STARD9: variants seen among roughly 807,000 people sequenced by gnomAD.
STARD9 encodes stAR-related lipid transfer protein 9.
In STARD9, 346 loss-of-function variants were observed where a neutral mutation model predicts 399.8. The ratio of observed to expected loss-of-function variants is 0.87; its 90% CI spans 0.79 to 0.95. The LOEUF (loss-of-function observed/expected upper bound fraction) is 0.95. Ranked by LOEUF, STARD9 falls within the 40% of genes least tolerant of loss-of-function variation. STARD9 has a pLI of 0.00. For missense variants in STARD9, 5,832 were observed against 5,667.5 expected (o/e 1.03, Z -0.93); for synonymous variants, 2,203 against 2,143.5 (o/e 1.03, Z -0.77).
rs995269312 is a variant in STARD9 at position 42,689,823 on chromosome 15, C to T, written c.8245C>T (p.Pro2749Ser). 7.2e-6 allele frequency: 11 copies of T among 1,537,226 alleles called. No homozygotes were observed. Among genetic ancestry groups the T allele is most frequent in the South Asian group, 1.2e-5 (1 of 84,060 alleles). ...KVVAALPSQA[P>S]YDDPRVTLHE... is the part of the protein sequence containing the mutation. ...AGTGGCTGCCTTACCTTCTCAGGCCCCTTATGATGATCCTAGAGTGACTCT... is the reference window on the plus strand; with the variant it reads ...AGTGGCTGCCTTACCTTCTCAGGCCTCTTATGATGATCCTAGAGTGACTCT... The change falls in exon 23 of 33, where the codon CCT becomes TCT. Residue 2749 changes from proline to serine, a missense_variant. Pro to Ser is a moderately conservative substitution (Grantham distance 74). Coordinates refer to ENST00000290607, the MANE Select transcript of STARD9 (RefSeq NM_020759.3).
At position 42,693,279 on chromosome 15, in the gene STARD9, A is replaced by G. The variant is rs534725679; in HGVS notation, c.11701A>G (p.Ile3901Val). 1.7e-4 allele frequency: 260 copies of G among 1,536,746 alleles called. 1 individual carries two copies. The South Asian group carries it at 2.3e-3, about 14-fold the overall frequency. ...GTTCGTGGACAGGGCCTCCTCCCCA[A>G]TCCTCACTCTTAGTGCCAGCACCCA... is the stretch of plus-strand genomic sequence containing the variant. ...ALFVDRASSP[I>V]LTLSASTQEP... Residue 3901 changes from isoleucine to valine, a missense_variant, in exon 23 of 33, where the codon ATC (isoleucine) becomes GTC (valine). Around this residue, in one of 2 missense-constraint regions of STARD9, gnomAD observed 5,828 missense variants for 5,651.1 expected, o/e 1.03. Coordinates refer to ENST00000290607, the MANE Select transcript of STARD9 (RefSeq NM_020759.3).
chr15:42,647,643 T>TA (rs775735735), intron 7 of STARD9, among the ~76,000 whole-genome samples: 27 of 152,190 alleles, frequency 1.8e-4, no homozygotes, highest in Admixed American at 2.6e-4. Flanking sequence ...TTTTTTATTT[T>TA]AAAAAATTTT....
intron 3 of STARD9, among the ~76,000 whole-genome samples, chr15:42,630,955 G>T (rs955682948): frequency 6.9e-6 from 1 of 144,528 alleles, no homozygotes; most frequent in South Asian, 2.2e-4. Flanking sequence ...CTCATTTTGT[G>T]TTTGATTCGC....
chr15:42,598,684 C>T (rs1176039137), intron 3 of STARD9, among the ~76,000 whole-genome samples: 2 of 151,994 alleles, frequency 1.3e-5, no homozygotes, highest in Non-Finnish European at 2.9e-5. Context: ...ATAGCCATCG[C>T]CTCAAACATT....
chr15:42,620,352 G>A (rs943298261), intron 3 of STARD9, among the ~76,000 whole-genome samples: 6 of 151,490 alleles, frequency 4.0e-5, no homozygotes, highest in Non-Finnish European at 8.8e-5. Context: ...ATGGTGGCTC[G>A]CACCTGTATT....
chr15:42,689,193 T>A lies in STARD9; in HGVS notation c.7615T>A (p.Leu2539Met). ...GGTGCCCAGTCCAGAGCCTAGGCTGTTGGAGCCCTCTGACCATGCATCCAT... is the reference window on the plus strand; with the variant it reads ...GGTGCCCAGTCCAGAGCCTAGGCTGATGGAGCCCTCTGACCATGCATCCAT... ...PRVPSPEPRLLEPSDHASMCL... is the reference protein window; with the variant it reads ...PRVPSPEPRLMEPSDHASMCL... Residue 2539 changes from leucine to methionine, a missense_variant, in exon 23 of 33, where the codon TTG (leucine) becomes ATG (methionine). Physicochemically the swap from Leu to Met is conservative, Grantham distance 15 (BLOSUM62 2). Around this residue, in one of 2 missense-constraint regions of STARD9, gnomAD observed 5,828 missense variants for 5,651.1 expected, o/e 1.03. Transcript: ENST00000290607. The A allele has an allele frequency of 6.5e-7, 1 of 1,537,250 alleles. No homozygotes were observed. The highest frequency in any genetic ancestry group is 1.2e-5 in the South Asian group (1 of 84,054).
intron 22 of STARD9, 27 bp downstream of exon 22, chr15:42,682,602 G>T (rs765027653): frequency 6.7e-7 from 1 of 1,492,616 alleles, no homozygotes. Context: ...TCACTGGGAA[G>T]CACTCGGTTA....
chr15:42,708,994 TC>T lies in STARD9; in HGVS notation c.13285-7682del, dbSNP rs2061150595. On this transcript the variant is annotated intron_variant, in intron 26 of 32. Transcript: ENST00000290607. ...AATACCTTATTCTCGGTGCATTGTA[TC>T]AGAGGTTACCGGATACCGACATGTC... is the stretch of plus-strand genomic sequence containing the variant. 2.0e-5 allele frequency among the ~76,000 whole-genome samples: 3 copies of T among 152,190 alleles called. No homozygotes were observed. In the South Asian group the frequency reaches 6.2e-4, roughly 32 times the overall value.
At chr15:42,649,951 C>T (rs2059726008) in intron 7 of STARD9, among the ~76,000 whole-genome samples, 1 of 150,360 alleles carries the variant, frequency 6.7e-6, no homozygotes. Flanking sequence ...TCCACAACCT[C>T]CGCCTCCCAG....
At chr15:42,677,213 G>A (rs1161237764) in intron 20 of STARD9, among the ~76,000 whole-genome samples, 3 of 150,998 alleles carry the variant, frequency 2.0e-5, no homozygotes, top group East Asian at 2.0e-4. Flanking sequence ...GCAGTGAGCC[G>A]ACATTGCGCC....
intron 26 of STARD9, among the ~76,000 whole-genome samples, chr15:42,712,491 C>A (rs1376243027): frequency 2.6e-5 from 4 of 152,034 alleles, no homozygotes; most frequent in Non-Finnish European, 4.4e-5. Context: ...TTAATTCTTA[C>A]ATATGGTGAG....
At position 42,587,752 on chromosome 15, in the gene STARD9, A is replaced by G. The variant is rs545126954; in HGVS notation, c.234+2115A>G. 2.0e-5 allele frequency among the ~76,000 whole-genome samples: 3 copies of G among 152,098 alleles called. No homozygotes were observed. The South Asian group carries it at 6.2e-4, about 32-fold the overall frequency. ...GGCTAATTTTGTATTTTTAATAGAG[A>G]CGAGGTTTCTCCGTGTTGGTCAGGC... On this transcript the variant is annotated intron_variant, in intron 3 of 32. Coordinates refer to ENST00000290607, the MANE Select transcript of STARD9 (RefSeq NM_020759.3).
intron 26 of STARD9, among the ~76,000 whole-genome samples, chr15:42,709,308 C>T (rs143860655): frequency 1.6e-3 from 241 of 152,098 alleles, no homozygotes; most frequent in Non-Finnish European, 2.6e-3. Flanking sequence ...GTGGGAGGAT[C>T]GCTTGAGCCT....
At position 42,684,143 on chromosome 15, in the gene STARD9, C is replaced by T. The variant is rs1168565252; in HGVS notation, c.2565C>T (p.Thr855=). The T allele has an allele frequency of 6.5e-7, 1 of 1,535,408 alleles. No homozygotes were observed. The highest frequency in any genetic ancestry group is 2.0e-5 in the Admixed American group (1 of 50,922). The part of the protein sequence containing the change: ...HSIFLSWDPS[T]TLPPRPDPTH... Reference sequence around the variant, plus strand: ...TTTTCCTAAGTTGGGATCCCTCTACCACATTGCCACCTAGGCCTGACCCTA... The same window carrying T: ...TTTTCCTAAGTTGGGATCCCTCTACTACATTGCCACCTAGGCCTGACCCTA... The change falls in exon 23 of 33, where the codon ACC becomes ACT. Residue 855 remains threonine (T), a synonymous_variant. Coordinates refer to ENST00000290607, the MANE Select transcript of STARD9 (RefSeq NM_020759.3).
At chr15:42,615,569 T>G (rs1176401714) in intron 3 of STARD9, among the ~76,000 whole-genome samples, 1 of 151,632 alleles carries the variant, frequency 6.6e-6, no homozygotes, top group Non-Finnish European at 1.5e-5. Flanking sequence ...GGGTTATATA[T>G]AAAACCCATA....
intron 26 of STARD9, among the ~76,000 whole-genome samples, chr15:42,712,111 A>ATTATATATATTATATATATAATATATT: frequency 3.1e-4 from 1 of 3,180 alleles, no homozygotes; most frequent in South Asian, 0.016. Flanking sequence ...TATAATATAT[A>ATTATATATATTATATATATAATATATT]ATATATAATA....
intron 26 of STARD9, among the ~76,000 whole-genome samples, chr15:42,699,463 G>C (rs1457644641): frequency 7.1e-6 from 1 of 141,648 alleles, no homozygotes; most frequent in Non-Finnish European, 1.5e-5. Flanking sequence ...GCTCAATCTC[G>C]GCTCACTGCA....
At chr15:42,681,124 T>C (rs1016845041) in intron 20 of STARD9, among the ~76,000 whole-genome samples, 4 of 152,258 alleles carry the variant, frequency 2.6e-5, no homozygotes, top group South Asian at 2.1e-4. Context: ...AATGTTTTTG[T>C]GTCTTTTTAA....
intron 8 of STARD9, among the ~76,000 whole-genome samples, chr15:42,651,968 GA>G (rs1434099993): frequency 6.6e-6 from 1 of 152,196 alleles, no homozygotes; most frequent in Non-Finnish European, 1.5e-5. Flanking sequence ...ATTTCTAAGG[GA>G]GACTGTGAAT....
Sources: gnomAD v4.1 joint callset for allele counts (sites outside exome capture counted in the v4.1 genomes callset) on GRCh38, gnomAD v4.1.1 for gene constraint, gnomAD v4.1.1 regional missense constraint, MANE v1.5 for transcripts, NCBI Gene and HGNC (gene_info 2026-07-23, HGNC 2026-07-21) for gene names.